NELL2: variants seen among roughly 807,000 people sequenced by gnomAD.
NELL2 encodes neural EGFL like 2.
In NELL2, 41 loss-of-function variants were observed where a neutral mutation model predicts 109.6. The ratio of observed to expected loss-of-function variants is 0.37; its 90% CI spans 0.29 to 0.49. The LOEUF (loss-of-function observed/expected upper bound fraction) is 0.49, where lower values mean the gene tolerates loss of function less well. Among genes scored for constraint, NELL2 ranks in the 20% least tolerant of loss-of-function variants. The pLI, the probability that NELL2 is intolerant of heterozygous loss-of-function variation, is 0.98. For synonymous variants in NELL2, 355 were observed against 344.7 expected (o/e 1.03, Z -0.33); for missense variants, 900 against 1,008.3 (o/e 0.89, Z 1.45).
At chr12:44,853,030 T>C (rs1944578830) in intron 2 of NELL2, among the ~76,000 whole-genome samples, 1 of 152,154 alleles carries the variant, frequency 6.6e-6, no homozygotes, top group Non-Finnish European at 1.5e-5. Flanking sequence ...TTACTCTGCC[T>C]TCTTTTCTTT....
intron 3 of NELL2, among the ~76,000 whole-genome samples, chr12:44,782,641 A>G (rs1278756546): frequency 6.6e-6 from 1 of 151,974 alleles, no homozygotes; most frequent in Non-Finnish European, 1.5e-5. Flanking sequence ...AAAATACCAA[A>G]GACAAACAGA....
In NELL2 at chr12:44,589,411, T is replaced by TATTC. The variant is rs1555181517; in HGVS notation, c.1663+17757_1663+17758insGAAT. Among the ~76,000 whole-genome samples, 58 of 150,562 alleles carry TATTC rather than the reference T, an allele frequency of 3.9e-4. 2 individuals carry two copies. In the East Asian group the frequency reaches 9.3e-3, roughly 24 times the overall value. On this transcript the variant is annotated intron_variant, in intron 15 of 19. Coordinates refer to ENST00000429094, the MANE Select transcript of NELL2 (RefSeq NM_001145108.2). ...TTATTTATTTATTTATTTATTTATT[T>TATTC]GAGATGGAGTCTGGCTCTGTCATCC...
At chr12:44,826,059 G>T (rs970835538) in intron 2 of NELL2, among the ~76,000 whole-genome samples, 6 of 151,866 alleles carry the variant, frequency 4.0e-5, no homozygotes, top group Non-Finnish European at 8.8e-5. Context: ...ATAAAAGAAA[G>T]AAAAAGAAAA....
chr12:44,784,012 T>C (rs538970384), intron 3 of NELL2, among the ~76,000 whole-genome samples: 2 of 152,210 alleles, frequency 1.3e-5, no homozygotes, highest in African/African-American at 4.8e-5. Context: ...GCCAGTCTGG[T>C]TCAATATTTG....
At chr12:44,921,690 G>C (rs2136900527) in intron 1 of NELL2, 1 of 152,306 alleles carries the variant, frequency 6.6e-6, no homozygotes, top group East Asian at 1.9e-4. Context: ...GGTGGTGTTT[G>C]ATAGGAAAAA....
intron 15 of NELL2, among the ~76,000 whole-genome samples, chr12:44,597,341 T>C (rs1270625612): frequency 2.6e-5 from 4 of 152,232 alleles, no homozygotes; most frequent in African/African-American, 9.6e-5. Flanking sequence ...TTTCATCTCC[T>C]GGAAAACTTT....
intron 12 of NELL2, among the ~76,000 whole-genome samples, chr12:44,678,475 C>T (rs1396898528): frequency 6.6e-6 from 1 of 152,062 alleles, no homozygotes; most frequent in South Asian, 2.1e-4. Flanking sequence ...CATCAGTGAA[C>T]GTTCACAACA....
intron 13 of NELL2, among the ~76,000 whole-genome samples, chr12:44,653,429 G>C (rs1416138279): frequency 6.6e-6 from 1 of 152,168 alleles, no homozygotes; most frequent in Non-Finnish European, 1.5e-5. Flanking sequence ...CTGGAGAAAA[G>C]GGGGCCAGGG....
rs554059409 is a variant in NELL2 at position 44,801,774 on chromosome 12, TAAG to T, written c.335+14209_335+14211del. On this transcript the variant is annotated intron_variant, in intron 3 of 19. Transcript: ENST00000429094. ...TGAAGGGAAAACACTTCCATGCACC[TAAG>T]AAGTCAGCCAGCTACCACAAGACCT... Among the ~76,000 whole-genome samples, 92 of 152,238 alleles carry T rather than the reference TAAG, an allele frequency of 6.0e-4. 1 individual carries two copies. Among genetic ancestry groups the T allele is most frequent in the African/African-American group, 2.1e-3 (88 of 41,560 alleles).
intron 13 of NELL2, among the ~76,000 whole-genome samples, chr12:44,632,176 C>T (rs1238207495): frequency 6.6e-6 from 1 of 152,048 alleles, no homozygotes; most frequent in East Asian, 1.9e-4. Context: ...ATTTCAGAAA[C>T]CTGATAAATG....
rs147834432 is a variant in NELL2 at position 44,789,283 on chromosome 12, G to A, written c.336-9261C>T. On this transcript the variant is annotated intron_variant, in intron 3 of 19. Transcript: ENST00000429094. ...ATCCACAGCTGAGAGACCCATAGACGATTCACATCACAGGACTCTGTGCAG... is the reference window on the plus strand; with the variant it reads ...ATCCACAGCTGAGAGACCCATAGACAATTCACATCACAGGACTCTGTGCAG... 5.8e-3 allele frequency among the ~76,000 whole-genome samples: 888 copies of A among 152,244 alleles called. 8 individuals carry two copies. The highest frequency in any genetic ancestry group is 0.02 in the African/African-American group (819 of 41,554).
intron 2 of NELL2, among the ~76,000 whole-genome samples, chr12:44,846,076 C>T (rs1944359873): frequency 6.6e-6 from 1 of 152,128 alleles, no homozygotes. Flanking sequence ...GCACTAATAA[C>T]CATATGGACT....
At chr12:44,568,921 T>G (rs777078588) in intron 15 of NELL2, among the ~76,000 whole-genome samples, 6 of 152,108 alleles carry the variant, frequency 3.9e-5, no homozygotes, top group Admixed American at 2.0e-4. Context: ...TATGTGCAGG[T>G]TTGTTACACA....
intron 13 of NELL2, among the ~76,000 whole-genome samples, chr12:44,660,770 G>C (rs554893298): frequency 6.6e-6 from 1 of 152,196 alleles, no homozygotes; most frequent in South Asian, 2.1e-4. Flanking sequence ...GTAGAGAGCA[G>C]AGAGAAATGT....
At chr12:44,595,303 G>A (rs1944913125) in intron 15 of NELL2, among the ~76,000 whole-genome samples, 1 of 152,170 alleles carries the variant, frequency 6.6e-6, no homozygotes, top group African/African-American at 2.4e-5. Context: ...AAACATCCGT[G>A]AGTGAAAAAG....
chr12:44,830,832 C>G (rs1251831309), intron 2 of NELL2, among the ~76,000 whole-genome samples: 2 of 152,040 alleles, frequency 1.3e-5, no homozygotes. Context: ...GCCCTGCACA[C>G]CCATCTGCTT....
intron 9 of NELL2, among the ~76,000 whole-genome samples, chr12:44,725,963 C>T (rs976345985): frequency 2.0e-5 from 3 of 152,038 alleles, no homozygotes; most frequent in Non-Finnish European, 4.4e-5. Flanking sequence ...ATATGTTTAC[C>T]TATGTAACAA....
chr12:44,876,023 G>A lies in NELL2; in HGVS notation c.-154C>T, dbSNP rs934233764. ...GGATTAATACGCTTTGGTTGCCTAAGAAAGAAAAGGGAGGCCTCCCCAGGC... is the reference window on the plus strand; with the variant it reads ...GGATTAATACGCTTTGGTTGCCTAAAAAAGAAAAGGGAGGCCTCCCCAGGC... On this transcript the variant is annotated 5_prime_UTR_variant, in exon 1 of 20. Coordinates refer to ENST00000429094, the MANE Select transcript of NELL2 (RefSeq NM_001145108.2). 7 of 1,501,880 alleles carry A rather than the reference G, an allele frequency of 4.7e-6. No homozygotes were observed. The highest frequency in any genetic ancestry group is 4.4e-6 in the Non-Finnish European group (5 of 1,132,230). 93.0% of individuals were successfully genotyped at this position (1,501,880 alleles called of 1,614,324 possible).
intron 9 of NELL2, among the ~76,000 whole-genome samples, chr12:44,734,855 T>G (rs147535258): frequency 5.7e-4 from 86 of 152,212 alleles, no homozygotes; most frequent in African/African-American, 1.9e-3. Flanking sequence ...TTATAACTAA[T>G]TTTTTCAGCT....
Sources: gnomAD v4.1 joint callset for allele counts (sites outside exome capture counted in the v4.1 genomes callset) on GRCh38, gnomAD v4.1.1 for gene constraint, MANE v1.5 for transcripts, NCBI Gene and HGNC (gene_info 2026-07-23, HGNC 2026-07-21) for gene names.